The following SDK1 variants were observed in gnomAD, a reference collection of about 807,000 sequenced individuals.
SDK1 encodes sidekick cell adhesion molecule 1.
In SDK1, 157 loss-of-function variants were observed where a neutral mutation model predicts 245.5. The observed-to-expected ratio is 0.64, with a 90% CI of 0.56 to 0.73. SDK1 has a LOEUF of 0.73. Ranked by LOEUF, SDK1 falls within the 30% of genes least tolerant of loss-of-function variation. The pLI is 0.00. For missense variants in SDK1, 3,583 were observed against 3,002.3 expected (o/e 1.19, Z -4.52); for synonymous variants, 1,647 against 1,278.5 (o/e 1.29, Z -6.15).
chr7:3,752,589 T>G (rs984102503), intron 4 of SDK1, among the ~76,000 whole-genome samples: 1 of 151,944 alleles, frequency 6.6e-6, no homozygotes, highest in African/African-American at 2.4e-5. Context: ...TAGAAATTAT[T>G]TTTTTTTGAG....
At chr7:3,537,502 A>C (rs1778922040) in intron 1 of SDK1, among the ~76,000 whole-genome samples, 1 of 152,164 alleles carries the variant, frequency 6.6e-6, no homozygotes, top group Non-Finnish European at 1.5e-5. Flanking sequence ...ACTCTAAGGA[A>C]TTTGTTCCTT....
intron 1 of SDK1, among the ~76,000 whole-genome samples, chr7:3,605,141 A>AC (rs1270723010): frequency 4.3e-5 from 3 of 69,758 alleles, no homozygotes; most frequent in African/African-American, 1.9e-4. Context: ...AAAAAAAAAC[A>AC]AGAAACACAC....
intron 5 of SDK1, among the ~76,000 whole-genome samples, chr7:3,940,614 A>G (rs868832687): frequency 5.3e-5 from 8 of 151,836 alleles, no homozygotes; most frequent in Middle Eastern, 3.2e-3. Flanking sequence ...AGGCTGAGGC[A>G]CTTTGGGAGA....
intron 1 of SDK1, among the ~76,000 whole-genome samples, chr7:3,566,969 G>A (rs533545015): frequency 1.3e-5 from 2 of 152,190 alleles, no homozygotes; most frequent in African/African-American, 2.4e-5. Context: ...GGTGGTGGGA[G>A]TGTAGACTTG....
intron 20 of SDK1, among the ~76,000 whole-genome samples, chr7:4,071,469 A>G (rs975157647): frequency 6.6e-6 from 1 of 152,252 alleles, no homozygotes; most frequent in African/African-American, 2.4e-5. Flanking sequence ...TCTGTTGCAC[A>G]TTCTGAAGTC....
Position 3,951,829 on chromosome 7 carries a change from G to T in SDK1, c.1059G>T (p.Thr353=), listed in dbSNP as rs371044483. Residue 353 remains threonine (T), a synonymous_variant, in exon 7 of 45, where the codon ACG becomes ACT. Transcript: ENST00000404826. The part of the protein sequence containing the change: ...FGRRLTISNP[T]SADTGPYVCE... ...GACGCCTCACCATCAGCAACCCGAC[G>T]TCCGCGGACACCGGGCCATACGTCT... 6 of 1,613,864 alleles carry T rather than the reference G, an allele frequency of 3.7e-6. No homozygotes were observed. The highest frequency in any genetic ancestry group is 5.1e-6 in the Non-Finnish European group (6 of 1,180,020).
intron 25 of SDK1, among the ~76,000 whole-genome samples, chr7:4,116,160 C>A (rs555726743): frequency 6.6e-6 from 1 of 152,262 alleles, no homozygotes; most frequent in South Asian, 2.1e-4. Context: ...GGGAGGGCAG[C>A]CTCTGAGGAC....
intron 1 of SDK1, among the ~76,000 whole-genome samples, chr7:3,522,362 T>C (rs1445917987): frequency 6.6e-5 from 10 of 152,194 alleles, no homozygotes; most frequent in African/African-American, 2.4e-4. Context: ...GTGTCTCCAG[T>C]AGAAGTGAAA....
chr7:4,059,881 C>CTTT (rs538796519), intron 19 of SDK1, among the ~76,000 whole-genome samples: 2 of 139,856 alleles, frequency 1.4e-5, no homozygotes, highest in Admixed American at 7.2e-5. Flanking sequence ...TTAAAAATTT[C>CTTT]TTTTTTTTTT....
At chr7:4,013,491 G>A (rs1297228518) in intron 16 of SDK1, among the ~76,000 whole-genome samples, 1 of 152,174 alleles carries the variant, frequency 6.6e-6, no homozygotes, top group Non-Finnish European at 1.5e-5. Flanking sequence ...GGCTAACAAA[G>A]GTCTTCAGCA....
intron 1 of SDK1, among the ~76,000 whole-genome samples, chr7:3,430,050 T>C (rs951605273): frequency 6.6e-6 from 1 of 152,234 alleles, no homozygotes; most frequent in Non-Finnish European, 1.5e-5. Context: ...AACTTGGGAA[T>C]GGTGGAACTC....
intron 5 of SDK1, among the ~76,000 whole-genome samples, chr7:3,857,687 A>G (rs1422053096): frequency 1.7e-5 from 1 of 58,418 alleles, no homozygotes; most frequent in African/African-American, 4.2e-5. Flanking sequence ...ACCCTGTCTC[A>G]AAAAAAAAAA....
intron 36 of SDK1, 50 bp downstream of exon 36, chr7:4,206,044 C>G (rs745480034): frequency 8.1e-7 from 1 of 1,227,626 alleles, no homozygotes; most frequent in Non-Finnish European, 1.1e-6. Flanking sequence ...GGGCACCCCT[C>G]GTTCACGTGG....
chr7:3,945,274 G>A (rs1204498946), intron 5 of SDK1, among the ~76,000 whole-genome samples: 1 of 152,162 alleles, frequency 6.6e-6, no homozygotes. Context: ...CGTCCCTTCG[G>A]AATAATAGTG....
chr7:4,203,159 C>A (rs1366760691), intron 35 of SDK1, among the ~76,000 whole-genome samples: 1 of 152,248 alleles, frequency 6.6e-6, no homozygotes, highest in Non-Finnish European at 1.5e-5. Context: ...GCTCAGGCCC[C>A]AGCGCCCAGC....
At chr7:3,365,189 G>C (rs1379124529) in intron 1 of SDK1, among the ~76,000 whole-genome samples, 1 of 152,192 alleles carries the variant, frequency 6.6e-6, no homozygotes, top group African/African-American at 2.4e-5. Context: ...AAGTAAATTG[G>C]AGTGCCTCAT....
chr7:3,311,497 A>G (rs1335558577), intron 1 of SDK1, among the ~76,000 whole-genome samples: 11 of 152,186 alleles, frequency 7.2e-5, no homozygotes, highest in African/African-American at 1.7e-4. Flanking sequence ...AAAGAGAACT[A>G]TGGAGGCATT....
chr7:3,917,478 A>G (rs1243873372), intron 5 of SDK1, among the ~76,000 whole-genome samples: 1 of 152,168 alleles, frequency 6.6e-6, no homozygotes, highest in African/African-American at 2.4e-5. Context: ...TGGAACTCAC[A>G]GGTGAGCCCC....
rs143415547 is a variant in SDK1 at position 4,254,884 on chromosome 7, ACTGTGGTTTTAGCTGGGCTCCCTTTGC to A, written c.6381+9084_6381+9110del. Among the ~76,000 whole-genome samples the A allele has an allele frequency of 3.0e-3, 459 of 152,252 alleles. 3 individuals are homozygous for A. The highest frequency in any genetic ancestry group is 0.011 in the African/African-American group (439 of 41,552). ...AGAGTCTTGCTGCCTACCAGGGATG[ACTGTGGTTTTAGCTGGGCTCCCTTTGC>A]CTGTCCCCATTAAGATTCTGGATGG... On this transcript the variant is annotated intron_variant, in intron 44 of 44. Transcript: ENST00000404826.
Sources: gnomAD v4.1 joint callset for allele counts (sites outside exome capture counted in the v4.1 genomes callset) on GRCh38, gnomAD v4.1.1 for gene constraint, MANE v1.5 for transcripts, NCBI Gene and HGNC (gene_info 2026-07-23, HGNC 2026-07-21) for gene names.